COL26A1: variants seen among roughly 807,000 people sequenced by gnomAD.
COL26A1 encodes collagen alpha-1(XXVI) chain.
A neutral mutation model predicts 59.3 loss-of-function variants in COL26A1; 41 were observed. The observed-to-expected ratio is 0.69, with a 90% CI of 0.54 to 0.90. The LOEUF (loss-of-function observed/expected upper bound fraction) is 0.90, where lower values mean the gene tolerates loss of function less well. COL26A1 is among the 40% of genes least tolerant of loss of function. The probability of loss-of-function intolerance (pLI) is 0.00; values close to 1 mark genes in which losing one functional copy is unlikely to be tolerated. For missense variants in COL26A1, 612 were observed against 602.3 expected, an observed-to-expected ratio of 1.02 and a Z score of -0.17; for synonymous variants, 266 against 256.0, an observed-to-expected ratio of 1.04 and a Z score of -0.37.
intron 3 of COL26A1, among the ~76,000 whole-genome samples, chr7:101,482,946 A>G (rs767344021): frequency 6.6e-6 from 1 of 152,070 alleles, no homozygotes; most frequent in Non-Finnish European, 1.5e-5. Context: ...GACAAGTGAG[A>G]CTCTGTCTCA....
chr7:101,516,100 C>T (rs905326210), intron 3 of COL26A1, among the ~76,000 whole-genome samples: 1 of 152,208 alleles, frequency 6.6e-6, no homozygotes, highest in Non-Finnish European at 1.5e-5. Context: ...TGGTTTTAGC[C>T]CTGGGTTGGC....
chr7:101,477,399 G>A (rs1395682940), intron 3 of COL26A1, among the ~76,000 whole-genome samples: 2 of 152,168 alleles, frequency 1.3e-5, no homozygotes, highest in African/African-American at 4.8e-5. Context: ...GCACAGATGT[G>A]CAGTGAGTGC....
At chr7:101,375,341 A>G (rs1584350623) in intron 1 of COL26A1, among the ~76,000 whole-genome samples, 1 of 137,368 alleles carries the variant, frequency 7.3e-6, no homozygotes, top group African/African-American at 2.6e-5. Flanking sequence ...GGCTTCTCTC[A>G]GATGGTGTAG....
intron 3 of COL26A1, among the ~76,000 whole-genome samples, chr7:101,511,102 C>T (rs1229243002): frequency 6.6e-6 from 1 of 151,732 alleles, no homozygotes; most frequent in African/African-American, 2.4e-5. Flanking sequence ...AGGGGTTTCA[C>T]CATGTTAGCC....
chr7:101,439,608 C>T (rs1436051247), intron 2 of COL26A1, among the ~76,000 whole-genome samples: 1 of 146,902 alleles, frequency 6.8e-6, no homozygotes, highest in Non-Finnish European at 1.5e-5. Flanking sequence ...GTGAGAAGAC[C>T]AGTGTGGCTG....
chr7:101,454,905 C>T (rs917174588), intron 3 of COL26A1, among the ~76,000 whole-genome samples: 6 of 151,996 alleles, frequency 3.9e-5, no homozygotes, highest in South Asian at 2.1e-4. Context: ...CTGTATTTCC[C>T]GTATAAGCAA....
intron 2 of COL26A1, among the ~76,000 whole-genome samples, chr7:101,442,846 A>G (rs1383672061): frequency 6.6e-6 from 1 of 151,964 alleles, no homozygotes; most frequent in Non-Finnish European, 1.5e-5. Context: ...TGTTTGTGTG[A>G]GTGCGTGTGT....
chr7:101,425,984 A>T (rs1320018457), intron 2 of COL26A1, among the ~76,000 whole-genome samples: 1 of 150,778 alleles, frequency 6.6e-6, no homozygotes, highest in East Asian at 2.0e-4. Context: ...GTGCCACCAC[A>T]CCTGGCTAAT....
At chr7:101,496,670 G>A (rs1412561545) in intron 3 of COL26A1, among the ~76,000 whole-genome samples, 1 of 152,156 alleles carries the variant, frequency 6.6e-6, no homozygotes, top group East Asian at 1.9e-4. Context: ...TGGATCACTT[G>A]AGCCCTGGAG....
intron 1 of COL26A1, among the ~76,000 whole-genome samples, chr7:101,371,485 T>TAA (rs879560039): frequency 3.3e-4 from 15 of 45,260 alleles, no homozygotes; most frequent in Admixed American, 5.2e-4. Flanking sequence ...CCTGTCTCTG[T>TAA]AAAAAAAAAA....
chr7:101,551,144 G>A lies in COL26A1; in HGVS notation c.1029+1G>A, dbSNP rs771111828. The A allele has an allele frequency of 4.3e-5, 63 of 1,481,332 alleles. 1 individual carries two copies. The highest frequency in any genetic ancestry group is 4.2e-4 in the African/African-American group (30 of 71,112). The allele number at this position is 1,481,332 out of a possible 1,614,324, so 91.8% of individuals were successfully genotyped here. ...AGAGCGAGGCACAGTGGGGCCGTCC[G>A]TAAGTGTGGGCTGTGCAGATGGGCC... is the stretch of plus-strand genomic sequence containing the variant. On this transcript the variant is annotated splice_donor_variant, in intron 10 of 12. Transcript: ENST00000313669. LOFTEE classifies it high-confidence loss of function.
chr7:101,387,755 TATATATATATATATATATA>T (rs1371782880), intron 1 of COL26A1, among the ~76,000 whole-genome samples: 48 of 53,242 alleles, frequency 9.0e-4, no homozygotes, highest in African/African-American at 2.9e-3. Flanking sequence ...TATATATATT[TATATATATATATATATATA>T]TATATTTTTT....
intron 3 of COL26A1, among the ~76,000 whole-genome samples, chr7:101,502,896 C>T (rs1019543624): frequency 3.3e-5 from 5 of 152,182 alleles, no homozygotes; most frequent in African/African-American, 1.2e-4. Context: ...CTCTAAGGGG[C>T]GGGAGCTGCT....
intron 3 of COL26A1, among the ~76,000 whole-genome samples, chr7:101,452,255 A>C (rs1332785465): frequency 6.6e-6 from 1 of 152,162 alleles, no homozygotes; most frequent in Non-Finnish European, 1.5e-5. Flanking sequence ...AGCCCATGGC[A>C]GCAGGTGGCA....
chr7:101,406,511 CAG>C (rs984331938), intron 1 of COL26A1, among the ~76,000 whole-genome samples: 13 of 152,198 alleles, frequency 8.5e-5, no homozygotes, highest in African/African-American at 2.4e-4. Context: ...GAAGTGCTCT[CAG>C]GGGGCTGTTG....
intron 2 of COL26A1, among the ~76,000 whole-genome samples, chr7:101,422,435 C>T (rs994809905): frequency 1.3e-5 from 2 of 150,976 alleles, no homozygotes; most frequent in Non-Finnish European, 2.9e-5. Flanking sequence ...ACTCCCTATC[C>T]CCTGCCTTCC....
In COL26A1 at chr7:101,363,203, G is replaced by A; in HGVS notation, c.158+13G>A. 1 of 1,446,226 alleles carries A rather than the reference G, an allele frequency of 6.9e-7. No individual in the cohort carries two copies. Among genetic ancestry groups the A allele is most frequent in the Non-Finnish European group, 9.1e-7 (1 of 1,101,440 alleles). The allele number at this position is 1,446,226 out of a possible 1,614,324, so 89.6% of individuals were successfully genotyped here. A position where few individuals can be genotyped will look rare whatever the true frequency, so the allele number is the denominator to read the frequency against. The stretch of plus-strand genomic sequence containing the variant: ...ACGCGAGCCGCCGGTGAGTAGCTCG[G>A]GGCCGAGGGGCCGGGGGGTGGGGGG... On this transcript the variant is annotated intron_variant, in intron 1 of 12. Coordinates refer to ENST00000313669, the MANE Select transcript of COL26A1 (RefSeq NM_001278563.3).
intron 3 of COL26A1, among the ~76,000 whole-genome samples, chr7:101,478,163 G>T (rs1214900380): frequency 6.6e-6 from 1 of 151,868 alleles, no homozygotes; most frequent in African/African-American, 2.4e-5. Flanking sequence ...TTGTGTTTTT[G>T]TAGAAATGGG....
intron 3 of COL26A1, among the ~76,000 whole-genome samples, chr7:101,515,256 G>T (rs2130595772): frequency 6.6e-6 from 1 of 152,200 alleles, no homozygotes; most frequent in South Asian, 2.1e-4. Context: ...GGTGTTTCTG[G>T]ATTCGAGACC....
Sources: allele counts gnomAD v4.1 joint callset (sites outside exome capture counted in the v4.1 genomes callset), GRCh38; gene constraint gnomAD v4.1.1; transcripts MANE v1.5; gene names NCBI Gene and HGNC (gene_info 2026-07-23, HGNC 2026-07-21).